Variants in TRMT44 observed in about 807,000 individuals in gnomAD.
The protein encoded by TRMT44 is probable tRNA (uracil-O(2)-)-methyltransferase.
Under a neutral mutation model 77.3 loss-of-function variants are expected in TRMT44, and 78 were observed. The ratio of observed to expected loss-of-function variants is 1.01; its 90% CI spans 0.84 to 1.22. TRMT44 has a LOEUF of 1.22. Ranked by LOEUF, TRMT44 falls within the 50% of genes most tolerant of loss-of-function variation. The probability of loss-of-function intolerance (pLI) is 0.00; values close to 1 mark genes in which losing one functional copy is unlikely to be tolerated. For missense variants in TRMT44, 1,090 were observed against 964.4 expected (o/e 1.13, Z -1.73); for synonymous variants, 391 against 383.3 (o/e 1.02, Z -0.23).
Position 8,476,146 on chromosome 4 carries a change from C to T in TRMT44, c.*145C>T, listed in dbSNP as rs1222968336. 14 of 716,538 alleles carry T rather than the reference C, an allele frequency of 2.0e-5. No homozygotes were observed. Among genetic ancestry groups the T allele is most frequent in the African/African-American group, 1.8e-4 (10 of 56,238 alleles). The allele number at this position is 716,538 out of a possible 1,614,324, so 44.4% of individuals were successfully genotyped here. A position where few individuals can be genotyped will look rare whatever the true frequency, so the allele number is the denominator to read the frequency against. On this transcript the variant is annotated 3_prime_UTR_variant, in exon 11 of 11. Coordinates refer to ENST00000389737, the MANE Select transcript of TRMT44 (RefSeq NM_152544.3). ...TCTCCACATCCTCACAGTGATGAAC[C>T]GTATTTCATAAACATCACACGCCAG...
the TRMT44 span, among the ~76,000 whole-genome samples, chr4:8,499,589 TCGA>T: frequency 2.4e-5 from 1 of 41,210 alleles, no homozygotes. Context: ...GTCCTGAGGG[TCGA>T]TTTAGTGTGT....
the TRMT44 span, among the ~76,000 whole-genome samples, chr4:8,514,321 C>T: frequency 7.5e-6 from 1 of 133,934 alleles, no homozygotes; most frequent in Non-Finnish European, 1.6e-5. Context: ...GTGGTGTGAT[C>T]TCGGCTCACT....
In TRMT44 at chr4:8,475,961, T is replaced by A; in HGVS notation, c.2234T>A (p.Leu745Gln). The A allele has an allele frequency of 6.2e-7, 1 of 1,614,118 alleles. No individual in the cohort carries two copies. The highest frequency in any genetic ancestry group is 8.5e-7 in the Non-Finnish European group (1 of 1,180,042). ...CCGTTTGCCCATGGGCCTGCGGAGC[T>A]GCGGCCACCCCGGACCACCCCGAGG... ...CCPFAHGPAE[L>Q]RPPRTTPRKK... Residue 745 changes from leucine to glutamine, a missense_variant, in exon 11 of 11, where the codon CTG becomes CAG. Transcript: ENST00000389737.
chr4:8,485,669 G>A (rs1577066688), intron 2 of TRMT44, among the ~76,000 whole-genome samples: 1 of 152,272 alleles, frequency 6.6e-6, no homozygotes, highest in East Asian at 1.9e-4. Flanking sequence ...GCTTTGGGTT[G>A]GGGAGAAGGG....
At chr4:8,464,179 G>A (rs1218119694) in intron 7 of TRMT44, 88 bp downstream of exon 7, 12 of 1,002,970 alleles carry the variant, frequency 1.2e-5, no homozygotes, top group South Asian at 1.1e-4. Context: ...CACTAGCTGC[G>A]TGCAGTTGTC....
At chr4:8,487,175 C>G (rs1165670167) in intron 2 of TRMT44, among the ~76,000 whole-genome samples, 2 of 152,136 alleles carry the variant, frequency 1.3e-5, no homozygotes, top group East Asian at 3.9e-4. Flanking sequence ...CTATTTGGAA[C>G]TACTGTCGAG....
chr4:8,450,039 T>G (rs534552153), intron 3 of TRMT44, among the ~76,000 whole-genome samples, 151 bp downstream of exon 3: 2 of 145,118 alleles, frequency 1.4e-5, no homozygotes, highest in Non-Finnish European at 1.5e-5. Flanking sequence ...TGATCTTGGC[T>G]CACTGCAACC....
chr4:8,489,036 G>A (rs1237307292), intron 2 of TRMT44, among the ~76,000 whole-genome samples: 1 of 152,250 alleles, frequency 6.6e-6, no homozygotes, highest in Non-Finnish European at 1.5e-5. Flanking sequence ...AGAGGAGGAT[G>A]TGCAGGAGTA....
chr4:8,516,459 C>T, the TRMT44 span, among the ~76,000 whole-genome samples: 12 of 152,342 alleles, frequency 7.9e-5, no homozygotes, highest in Non-Finnish European at 1.5e-4. Flanking sequence ...TCCAGCCCCT[C>T]ACCCTTCACC....
intron 8 of TRMT44, among the ~76,000 whole-genome samples, chr4:8,465,802 C>G (rs1261094203): frequency 6.6e-6 from 1 of 152,214 alleles, no homozygotes; most frequent in Non-Finnish European, 1.5e-5. Context: ...CCAAGCCCTC[C>G]TTGCCTCTCC....
chr4:8,466,541 C>G (rs1222838034), intron 8 of TRMT44, among the ~76,000 whole-genome samples: 2 of 152,238 alleles, frequency 1.3e-5, no homozygotes, highest in South Asian at 2.1e-4. Context: ...CACTGCCCTG[C>G]TACCGTGGGA....
At chr4:8,442,164 A>G (rs1724771953) in intron 1 of TRMT44, among the ~76,000 whole-genome samples, 1 of 152,226 alleles carries the variant, frequency 6.6e-6, no homozygotes, top group African/African-American at 2.4e-5. Flanking sequence ...AGAGCATGGG[A>G]ACATCATGAC....
In TRMT44 at chr4:8,444,647, C is replaced by G. The variant is rs1203917375; in HGVS notation, c.620-1829C>G. Reference sequence around the variant, plus strand: ...TCCTGACCTCACGTGATCCGCCTGCCTTGGCCTCCCAAAGTGCCGGGGTTA... The same window carrying G: ...TCCTGACCTCACGTGATCCGCCTGCGTTGGCCTCCCAAAGTGCCGGGGTTA... On this transcript the variant is annotated intron_variant, in intron 1 of 10. Transcript: ENST00000389737. The surrounding 1 kb of genome is among the most constrained non-coding windows in gnomAD (Gnocchi z 4.0). 6.6e-6 allele frequency among the ~76,000 whole-genome samples: 1 copy of G among 152,242 alleles called. No homozygotes were observed.
rs1196166472 is a variant in TRMT44 at position 8,452,898 on chromosome 4, A to G, written c.1040A>G (p.Glu347Gly). The G allele has an allele frequency of 4.6e-6, 7 of 1,529,692 alleles. No individual in the cohort carries two copies. The South Asian group carries it at 4.8e-5, about 11-fold the overall frequency. The allele number at this position is 1,529,692 out of a possible 1,614,324, so 94.8% of individuals were successfully genotyped here. A position where few individuals can be genotyped will look rare whatever the true frequency, so the allele number is the denominator to read the frequency against. ...AAYLLILWEEERAERRLTARQ... is the reference protein window; with the variant it reads ...AAYLLILWEEGRAERRLTARQ... ...TTCACTTAGATTCTATGGGAAGAAGAAAGGGCTGAGAGGAGACTAACTGCC... is the reference window on the plus strand; with the variant it reads ...TTCACTTAGATTCTATGGGAAGAAGGAAGGGCTGAGAGGAGACTAACTGCC... Residue 347 changes from glutamate to glycine, a missense_variant, in exon 5 of 11, where the codon GAA becomes GGA. Glu to Gly is a moderately conservative substitution (Grantham distance 98). Transcript: ENST00000389737. This position sits in a 1 kb window ranked among gnomAD's most constrained non-coding sequence, Gnocchi z 5.7.
downstream of TRMT44, among the ~76,000 whole-genome samples, chr4:8,497,988 T>C (rs2109245996): frequency 6.6e-6 from 1 of 152,194 alleles, no homozygotes; most frequent in East Asian, 1.9e-4. Context: ...GCTGAGAGCA[T>C]GGCCTTGCTC....
downstream of TRMT44, chr4:8,477,217 C>G (rs1727435233): frequency 6.6e-6 from 1 of 152,272 alleles, no homozygotes; most frequent in Non-Finnish European, 1.5e-5. Context: ...CTCATCACAC[C>G]TGAGCAGTGA....
chr4:8,471,077 TCCACAGAGAG>T lies in TRMT44; in HGVS notation c.1928-4_1933del. ...TTTGGGGAAAAAAAAAACCCGTTTTTCCACAGAGAGCCTATCTCTGGCAGAAGTAGCCAAC... is the reference window on the plus strand; with the variant it reads ...TTTGGGGAAAAAAAAAACCCGTTTTTCCTATCTCTGGCAGAAGTAGCCAAC... On this transcript the variant is annotated splice_acceptor_variant and splice_polypyrimidine_tract_variant and coding_sequence_variant and intron_variant, in exon 10 of 11. Transcript: ENST00000389737. LOFTEE classifies it high-confidence loss of function. 6.4e-7 allele frequency: 1 copy of T among 1,573,408 alleles called. No individual in the cohort carries two copies.
intron 6 of TRMT44, among the ~76,000 whole-genome samples, chr4:8,462,304 G>A (rs1212936401): frequency 2.0e-5 from 3 of 152,040 alleles, no homozygotes; most frequent in Admixed American, 6.5e-5. Flanking sequence ...CTAGCTACTC[G>A]GGAGGCTGAG....
chr4:8,467,151 C>T (rs760453756), intron 8 of TRMT44, among the ~76,000 whole-genome samples: 2 of 152,196 alleles, frequency 1.3e-5, no homozygotes, highest in Admixed American at 6.5e-5. Context: ...AGGCCCTCTG[C>T]GCAGCCCCCG....
Sources: allele counts gnomAD v4.1 joint callset (sites outside exome capture counted in the v4.1 genomes callset), GRCh38; gene constraint gnomAD v4.1.1; non-coding constraint Gnocchi (gnomAD v3.1); transcripts MANE v1.5; gene names NCBI Gene and HGNC (gene_info 2026-07-23, HGNC 2026-07-21).